Variants in AMD1 observed in about 807,000 individuals in gnomAD.
AMD1 encodes the protein adenosylmethionine decarboxylase 1, also known as S-adenosylmethionine decarboxylase proenzyme.
A neutral mutation model predicts 40.2 loss-of-function variants in AMD1; 11 were observed. The ratio of observed to expected loss-of-function variants is 0.27; its 90% confidence interval spans 0.17 to 0.45. AMD1 has a LOEUF of 0.45. Ranked by LOEUF, AMD1 falls within the 20% of genes least tolerant of loss-of-function variation. The pLI is 1.00. For synonymous variants in AMD1, 121 were observed against 130.8 expected, an observed-to-expected ratio of 0.93 and a Z score of 0.51; for missense variants, 257 against 410.2, an observed-to-expected ratio of 0.63 and a Z score of 3.23.
At chr6:110,879,282 G>A (rs9487547) in intron 1 of AMD1, among the ~76,000 whole-genome samples, 7,874 of 152,212 alleles carry the variant, frequency 0.052, 269 homozygotes, top group South Asian at 0.1. Flanking sequence ...AGCCATTGGG[G>A]GATCGAGGCT....
upstream of AMD1, among the ~76,000 whole-genome samples, chr6:110,871,683 G>A (rs1327069504): frequency 1.3e-5 from 2 of 152,178 alleles, no homozygotes; most frequent in Non-Finnish European, 2.9e-5. Flanking sequence ...TTGCTTTTGT[G>A]GGGAGGAGGC....
chr6:110,827,989 G>T, the AMD1 span, among the ~76,000 whole-genome samples: 1 of 152,064 alleles, frequency 6.6e-6, no homozygotes, highest in Non-Finnish European at 1.5e-5. Flanking sequence ...GTCTTCAAAT[G>T]TATAATACAC....
chr6:110,822,229 A>G, the AMD1 span, among the ~76,000 whole-genome samples: 1 of 152,304 alleles, frequency 6.6e-6, no homozygotes, highest in African/African-American at 2.4e-5. Context: ...AATAAGCTCA[A>G]TTAGAAATGA....
chr6:110,861,626 G>A, the AMD1 span, among the ~76,000 whole-genome samples: 1 of 152,064 alleles, frequency 6.6e-6, no homozygotes, highest in Non-Finnish European at 1.5e-5. Context: ...TGGATCACCT[G>A]AGGTGAGGAG....
At chr6:110,845,906 G>T in the AMD1 span, among the ~76,000 whole-genome samples, 1 of 152,128 alleles carries the variant, frequency 6.6e-6, no homozygotes, top group African/African-American at 2.4e-5. Flanking sequence ...TTTGAAACCT[G>T]CTGCAACATT....
chr6:110,888,717 G>A (rs911023517), intron 2 of AMD1, 140 bp from the exon 3 acceptor site: 1 of 779,716 alleles, frequency 1.3e-6, no homozygotes, highest in African/African-American at 1.8e-5. Flanking sequence ...AAAAGGAAAA[G>A]AATAATGTGT....
At chr6:110,834,824 C>T in the AMD1 span, among the ~76,000 whole-genome samples, 111 of 151,618 alleles carry the variant, frequency 7.3e-4, 4 homozygotes, top group South Asian at 0.023. Context: ...TGGTGCATGC[C>T]TGTAATCCCA....
At chr6:110,880,490 C>A (rs912405741) in intron 1 of AMD1, among the ~76,000 whole-genome samples, 5 of 152,090 alleles carry the variant, frequency 3.3e-5, no homozygotes, top group Non-Finnish European at 1.5e-5. Flanking sequence ...GTTTTATTCG[C>A]TGTTAATGTT....
the AMD1 span, among the ~76,000 whole-genome samples, chr6:110,852,410 C>T: frequency 6.6e-6 from 1 of 151,656 alleles, no homozygotes; most frequent in East Asian, 1.9e-4. Flanking sequence ...TTAGTAGATA[C>T]AGGGTTTCAC....
chr6:110,868,264 C>T, the AMD1 span, among the ~76,000 whole-genome samples: 2 of 152,080 alleles, frequency 1.3e-5, no homozygotes, highest in Non-Finnish European at 2.9e-5. Context: ...TCTTCTGCCT[C>T]AGCCTCCCAA....
At position 110,894,232 on chromosome 6, in the gene AMD1, T is replaced by G. The variant is rs771878000; in HGVS notation, c.*616T>G. On this transcript the variant is annotated 3_prime_UTR_variant, in exon 9 of 9. Coordinates refer to ENST00000368885, the MANE Select transcript of AMD1 (RefSeq NM_001634.6). ...TGCATATTTGCTATTTTAACATTAT[T>G]GGACCCTGCATTTATAGTCCTTTGA... is the stretch of plus-strand genomic sequence containing the variant. 6.5e-6 allele frequency: 1 copy of G among 153,026 alleles called. No individual in the cohort carries two copies. Among genetic ancestry groups the G allele is most frequent in the Non-Finnish European group, 1.5e-5 (1 of 68,308 alleles). The allele number at this position is 153,026 out of a possible 1,614,324, so 9.5% of individuals were successfully genotyped here. A position where few individuals can be genotyped will look rare whatever the true frequency, so the allele number is the denominator to read the frequency against.
chr6:110,831,554 C>T, the AMD1 span, among the ~76,000 whole-genome samples: 10 of 152,128 alleles, frequency 6.6e-5, no homozygotes, highest in Non-Finnish European at 1.2e-4. Flanking sequence ...TTTCACCTTC[C>T]GAAGTGCCGG....
At chr6:110,868,027 G>T in the AMD1 span, among the ~76,000 whole-genome samples, 1 of 152,050 alleles carries the variant, frequency 6.6e-6, no homozygotes, top group Admixed American at 6.6e-5. Flanking sequence ...GTCTGGCTAC[G>T]TTGACCAGGC....
intron 6 of AMD1, 52 bp from the exon 7 acceptor site, chr6:110,892,683 T>C (rs1454881438): frequency 6.3e-6 from 10 of 1,591,414 alleles, no homozygotes; most frequent in South Asian, 4.4e-5. Flanking sequence ...TTGGACTCAA[T>C]TGAAGTTTAT....
chr6:110,837,310 TAAAA>T, the AMD1 span, among the ~76,000 whole-genome samples: 1 of 100,946 alleles, frequency 9.9e-6, no homozygotes, highest in Non-Finnish European at 2.1e-5. Flanking sequence ...TATTTAAAAC[TAAAA>T]AAAAAAAAAA....
At chr6:110,847,078 G>T in the AMD1 span, among the ~76,000 whole-genome samples, 3 of 151,714 alleles carry the variant, frequency 2.0e-5, no homozygotes, top group Admixed American at 2.0e-4. Flanking sequence ...GTGTGTGTGT[G>T]TGTGTGTGTG....
upstream of AMD1, chr6:110,874,776 A>T (rs931209259): frequency 5.1e-6 from 1 of 197,782 alleles, no homozygotes; most frequent in Non-Finnish European, 1.0e-5. Context: ...GTGCTCACGC[A>T]GCGCTCTCGC....
At chr6:110,852,436 G>A in the AMD1 span, among the ~76,000 whole-genome samples, 3 of 151,750 alleles carry the variant, frequency 2.0e-5, no homozygotes, top group African/African-American at 7.3e-5. Context: ...TGCCCAGGCT[G>A]TTCTCGAACT....
chr6:110,890,514 G>T (rs1031339122), intron 4 of AMD1, among the ~76,000 whole-genome samples, 158 bp downstream of exon 4: 2 of 152,114 alleles, frequency 1.3e-5, no homozygotes, highest in African/African-American at 4.8e-5. Context: ...TTAGACAGGG[G>T]TCTCATTCTG....
Sources: allele counts gnomAD v4.1 joint callset (sites outside exome capture counted in the v4.1 genomes callset), GRCh38; gene constraint gnomAD v4.1.1; transcripts MANE v1.5; gene names NCBI Gene and HGNC (gene_info 2026-07-23, HGNC 2026-07-21).